The following TDRD3 variants were observed in gnomAD, a reference collection of about 807,000 sequenced individuals.
TDRD3 encodes tudor domain-containing protein 3.
In TDRD3, 45 loss-of-function variants were observed where a neutral mutation model predicts 86.7. That is an observed-to-expected ratio of 0.52 (90% CI 0.41 to 0.67). The LOEUF is 0.67. TDRD3 is among the 30% of genes least tolerant of loss of function. The pLI is 0.00. For missense variants in TDRD3, 814 were observed against 889.0 expected (o/e 0.92, Z 1.07); for synonymous variants, 298 against 301.7 (o/e 0.99, Z 0.13).
At chr13:60,422,049 G>A (rs1461155816) in intron 1 of TDRD3, among the ~76,000 whole-genome samples, 1 of 152,222 alleles carries the variant, frequency 6.6e-6, no homozygotes, top group Non-Finnish European at 1.5e-5. Flanking sequence ...AGGAATTGGT[G>A]TGTGAATTAA....
chr13:60,534,286 C>A (rs907442852), intron 11 of TDRD3, among the ~76,000 whole-genome samples: 8 of 152,046 alleles, frequency 5.3e-5, no homozygotes, highest in Non-Finnish European at 8.8e-5. Context: ...GCATTCCAGC[C>A]TGGGCAACAG....
rs563123837 is a variant in TDRD3 at position 60,562,213 on chromosome 13, T to C, written c.2119-5312T>C. Among the ~76,000 whole-genome samples the C allele has an allele frequency of 9.9e-5, 15 of 152,094 alleles. No individual in the cohort carries two copies. The East Asian group carries it at 2.7e-3, about 27-fold the overall frequency. On this transcript the variant is annotated intron_variant, in intron 12 of 13. Transcript: ENST00000377881. The stretch of plus-strand genomic sequence containing the variant: ...CTGTAATTCCAGCTACTCGGGAGGC[T>C]GAGACAGAAGAATAGCTTGAATCCA...
intron 13 of TDRD3, 60 bp downstream of exon 13, chr13:60,567,710 T>C: frequency 1.3e-6 from 2 of 1,589,310 alleles, no homozygotes; most frequent in Non-Finnish European, 1.7e-6. Flanking sequence ...ATGTTAAGCA[T>C]ATAAGTCCAA....
At chr13:60,446,670 A>G (rs1441743457) in intron 3 of TDRD3, among the ~76,000 whole-genome samples, 1 of 152,178 alleles carries the variant, frequency 6.6e-6, no homozygotes, top group African/African-American at 2.4e-5. Flanking sequence ...GAAATTACTC[A>G]TTTGGTTTGT....
chr13:60,492,434 G>A (rs1595014633), intron 7 of TDRD3, among the ~76,000 whole-genome samples: 3 of 152,116 alleles, frequency 2.0e-5, no homozygotes, highest in African/African-American at 7.2e-5. Context: ...ATATCCCAAT[G>A]AGGTAGGTTT....
chr13:60,569,816 G>A (rs140106937), intron 13 of TDRD3, among the ~76,000 whole-genome samples: 4 of 152,224 alleles, frequency 2.6e-5, no homozygotes, highest in Non-Finnish European at 5.9e-5. Context: ...AACATACATT[G>A]GAGTGATGAT....
At position 60,397,271 on chromosome 13, in the gene TDRD3, TC is replaced by T; in HGVS notation, c.-93del. ...ACCAGAGGAGTTTTTTCTTTTCTTT[TC>T]TTTTTTTTTTTTTAAGGGGGGGGGT... On this transcript the variant is annotated 5_prime_UTR_variant, in exon 1 of 14. The change creates a premature stop within an existing upstream ORF in the 5' untranslated region. Transcript: ENST00000377881. 3 of 714,568 alleles carry T rather than the reference TC, an allele frequency of 4.2e-6. No individual in the cohort carries two copies. The highest frequency in any genetic ancestry group is 6.1e-6 in the Non-Finnish European group (3 of 492,074). The allele number at this position is 714,568 out of a possible 1,614,324, so 44.3% of individuals were successfully genotyped here. A position where few individuals can be genotyped will look rare whatever the true frequency, so the allele number is the denominator to read the frequency against.
chr13:60,552,071 C>T (rs907329605), intron 12 of TDRD3, among the ~76,000 whole-genome samples: 2 of 152,212 alleles, frequency 1.3e-5, no homozygotes, highest in African/African-American at 4.8e-5. Flanking sequence ...TTTCACATTT[C>T]AAAACCAATC....
chr13:60,422,125 A>G (rs1014309051), intron 1 of TDRD3, among the ~76,000 whole-genome samples: 16 of 152,172 alleles, frequency 1.1e-4, no homozygotes, highest in African/African-American at 3.4e-4. Context: ...AAAGGGTTCA[A>G]TTTTTGAAAT....
chr13:60,485,856 C>G lies in TDRD3; in HGVS notation c.625C>G (p.Gln209Glu). 6.2e-7 allele frequency: 1 copy of G among 1,610,060 alleles called. No individual in the cohort carries two copies. The stretch of plus-strand genomic sequence containing the variant: ...AGAACTTGATCGAAGAAAAACATTG[C>G]AAGTTACAATGCCTGTCAAACCTAC... The part of the protein sequence containing the change: ...SRELDRRKTL[Q>E]VTMPVKPTND... The change falls in exon 7 of 14, where the codon CAA (glutamine) becomes GAA (glutamate). Residue 209 changes from glutamine to glutamate, a missense_variant. By Grantham distance (29) the Gln-to-Glu change is conservative. Coordinates refer to ENST00000377881, the MANE Select transcript of TDRD3 (RefSeq NM_001146070.2).
intron 10 of TDRD3, among the ~76,000 whole-genome samples, chr13:60,511,105 CT>C (rs1957050026): frequency 6.6e-6 from 1 of 152,012 alleles, no homozygotes; most frequent in African/African-American, 2.4e-5. Flanking sequence ...TCTCTTCTTT[CT>C]CCCCATATTA....
chr13:60,532,393 G>T (rs1405958898), intron 11 of TDRD3, among the ~76,000 whole-genome samples: 1 of 152,130 alleles, frequency 6.6e-6, no homozygotes, highest in East Asian at 1.9e-4. Context: ...TGGGAAAAAG[G>T]TAAAGAATAC....
At chr13:60,434,983 A>G (rs1566188521) in intron 1 of TDRD3, among the ~76,000 whole-genome samples, 1 of 152,210 alleles carries the variant, frequency 6.6e-6, no homozygotes. Context: ...CTTGAAGCAC[A>G]TTTTGGTCTT....
At chr13:60,488,736 G>T (rs185212658) in intron 7 of TDRD3, among the ~76,000 whole-genome samples, 1 of 151,912 alleles carries the variant, frequency 6.6e-6, no homozygotes, top group African/African-American at 2.4e-5. Flanking sequence ...ACCGTGTCTG[G>T]CTAATTCTTT....
intron 3 of TDRD3, among the ~76,000 whole-genome samples, chr13:60,457,618 G>A (rs533467907): frequency 1.3e-5 from 2 of 152,202 alleles, no homozygotes; most frequent in African/African-American, 2.4e-5. Context: ...GTTATCTGAG[G>A]CTGCTGTAAC....
intron 3 of TDRD3, among the ~76,000 whole-genome samples, chr13:60,446,246 G>A (rs771527198): frequency 3.3e-5 from 5 of 151,700 alleles, no homozygotes; most frequent in Non-Finnish European, 7.4e-5. Context: ...TTTCTGAGAT[G>A]GAGTCTTGCT....
At chr13:60,424,032 T>A (rs1954731866) in intron 1 of TDRD3, among the ~76,000 whole-genome samples, 1 of 152,140 alleles carries the variant, frequency 6.6e-6, no homozygotes, top group Admixed American at 6.5e-5. Flanking sequence ...TGTTTGTTTT[T>A]GTTTTTTGAG....
intron 1 of TDRD3, among the ~76,000 whole-genome samples, chr13:60,419,129 G>A (rs1164776155): frequency 6.6e-6 from 1 of 152,180 alleles, no homozygotes; most frequent in Non-Finnish European, 1.5e-5. Context: ...ACAGCCAAAC[G>A]TTTATTTCCA....
intron 8 of TDRD3, among the ~76,000 whole-genome samples, chr13:60,500,132 G>T (rs1015777805): frequency 1.1e-4 from 16 of 152,082 alleles, no homozygotes; most frequent in African/African-American, 3.9e-4. Context: ...TTTGAGAGAC[G>T]GCTCTTGGCC....
Sources: gnomAD v4.1 joint callset for allele counts (sites outside exome capture counted in the v4.1 genomes callset) on GRCh38, gnomAD v4.1.1 for gene constraint, MANE v1.5 for transcripts, NCBI Gene and HGNC (gene_info 2026-07-23, HGNC 2026-07-21) for gene names.